Variants in DNAH14 observed in about 807,000 individuals in gnomAD.
DNAH14 encodes the protein axonemal beta dynein heavy chain 14.
Under a neutral mutation model 520.9 loss-of-function variants are expected in DNAH14, and 478 were observed. That is an observed-to-expected ratio of 0.92 (90% CI 0.85 to 0.99). DNAH14 has a LOEUF of 0.99. Ranked by LOEUF, DNAH14 falls within the 50% of genes least tolerant of loss-of-function variation. The pLI is 0.00. For synonymous variants in DNAH14, 1,581 were observed against 1,757.2 expected (o/e 0.90, Z 2.51); for missense variants, 4,831 against 5,234.5 (o/e 0.92, Z 2.38).
intron 49 of DNAH14, among the ~76,000 whole-genome samples, chr1:225,270,017 G>A (rs565090690): frequency 1.2e-4 from 19 of 152,238 alleles, no homozygotes; most frequent in African/African-American, 3.9e-4. Context: ...AAAGACACAT[G>A]CACACGTATG....
intron 18 of DNAH14, among the ~76,000 whole-genome samples, chr1:225,079,811 C>T (rs1203232482): frequency 6.6e-6 from 1 of 151,020 alleles, no homozygotes. Context: ...GTAGCTGGGA[C>T]TACAGGCGCC....
At chr1:225,044,594 G>T (rs558630499) in intron 15 of DNAH14, among the ~76,000 whole-genome samples, 8 of 152,220 alleles carry the variant, frequency 5.3e-5, no homozygotes, top group African/African-American at 1.9e-4. Context: ...TTTTCACTAT[G>T]CTTTGTAACT....
Position 225,252,339 on chromosome 1 carries a change from T to C in DNAH14, c.6787T>C (p.Tyr2263His), listed in dbSNP as rs926675453. 2 of 1,549,944 alleles carry C rather than the reference T, an allele frequency of 1.3e-6. No individual in the cohort carries two copies. Among genetic ancestry groups the C allele is most frequent in the African/African-American group, 1.4e-5 (1 of 72,996 alleles). The part of the protein sequence containing the change: ...LPTGECSIFG[Y>H]FVDIEQCEFI... ...AACTGGTGAATGTTCCATCTTTGGA[T>C]ATTTTGTGGATATAGAGCAATGTGA... The change falls in exon 44 of 86, where the codon TAT becomes CAT. Residue 2263 changes from tyrosine to histidine, a missense_variant. Transcript: ENST00000682510.
chr1:225,109,493 T>C (rs564440453), intron 23 of DNAH14, among the ~76,000 whole-genome samples: 2 of 152,306 alleles, frequency 1.3e-5, no homozygotes, highest in East Asian at 3.9e-4. Context: ...GATTACTTTC[T>C]TGATTTTTTT....
At chr1:225,018,781 A>C (rs1313890339) in intron 10 of DNAH14, among the ~76,000 whole-genome samples, 2 of 152,312 alleles carry the variant, frequency 1.3e-5, no homozygotes, top group African/African-American at 4.8e-5. Flanking sequence ...TCCAACCAAA[A>C]ATGTCATATC....
At chr1:225,256,421 A>G (rs915386993) in intron 44 of DNAH14, among the ~76,000 whole-genome samples, 1 of 152,160 alleles carries the variant, frequency 6.6e-6, no homozygotes, top group Non-Finnish European at 1.5e-5. Context: ...CAACTGCGGC[A>G]GGATTGGGTA....
intron 12 of DNAH14, among the ~76,000 whole-genome samples, chr1:225,040,078 C>T (rs1349454214): frequency 1.3e-5 from 2 of 151,072 alleles, no homozygotes; most frequent in Admixed American, 1.3e-4. Context: ...GCTGGGACTA[C>T]AGGTGCCCAC....
At chr1:225,178,206 A>G (rs192796479) in intron 36 of DNAH14, among the ~76,000 whole-genome samples, 2 of 152,266 alleles carry the variant, frequency 1.3e-5, no homozygotes, top group Admixed American at 1.3e-4. Flanking sequence ...TGGAATGGCT[A>G]TGTATTAGTC....
chr1:225,145,747 A>C (rs994073198), intron 30 of DNAH14, among the ~76,000 whole-genome samples: 1 of 152,228 alleles, frequency 6.6e-6, no homozygotes, highest in Non-Finnish European at 1.5e-5. Flanking sequence ...ACATTTATTT[A>C]CTGAAAAGGT....
chr1:224,997,157 G>T (rs569510449), intron 8 of DNAH14, among the ~76,000 whole-genome samples: 10 of 152,114 alleles, frequency 6.6e-5, no homozygotes, highest in South Asian at 2.1e-4. Flanking sequence ...TGGTTGCCAT[G>T]GGCTCTGTCT....
chr1:225,190,813 T>G (rs142389479), intron 37 of DNAH14, among the ~76,000 whole-genome samples: 9 of 152,106 alleles, frequency 5.9e-5, no homozygotes, highest in African/African-American at 2.2e-4. Flanking sequence ...TCTTAGACTT[T>G]TACTCTTCAG....
At chr1:225,364,553 T>G (rs2095530191) in intron 75 of DNAH14, among the ~76,000 whole-genome samples, 1 of 152,084 alleles carries the variant, frequency 6.6e-6, no homozygotes, top group Non-Finnish European at 1.5e-5. Flanking sequence ...TTCCAGATTT[T>G]TTGCAATGAG....
chr1:225,216,481 G>A (rs34115920), intron 41 of DNAH14, among the ~76,000 whole-genome samples: 19,455 of 152,172 alleles, frequency 0.13, 1,401 homozygotes, highest in East Asian at 0.31. Flanking sequence ...ATAATATCTT[G>A]CAGAGTGTTT....
chr1:225,226,144 C>T (rs546651628), intron 41 of DNAH14, among the ~76,000 whole-genome samples: 24 of 152,320 alleles, frequency 1.6e-4, no homozygotes, highest in Middle Eastern at 6.8e-3. Context: ...GGGCTTATCT[C>T]TTAGATCTGC....
At chr1:225,358,395 CT>C in intron 73 of DNAH14, 100 bp from the exon 74 acceptor site, 1 of 1,112,546 alleles carries the variant, frequency 9.0e-7, no homozygotes. Context: ...GGCTGAAAAG[CT>C]AAAAAATGAA....
chr1:225,259,313 A>G lies in DNAH14; in HGVS notation c.7157+60A>G, dbSNP rs114604689. 1,270 of 1,207,828 alleles carry G rather than the reference A, an allele frequency of 1.1e-3. 9 individuals are homozygous for G. In the African/African-American group the frequency reaches 0.017, roughly 16 times the overall value. The allele number at this position is 1,207,828 out of a possible 1,614,324, so 74.8% of individuals were successfully genotyped here. On this transcript the variant is annotated intron_variant, in intron 46 of 85. Transcript: ENST00000682510. ...GATTTTAAAAAGTGTGCTTTAATAT[A>G]TAAATATGCCTGTTTTTAAAAAAAG...
chr1:225,023,274 A>G (rs1221741829), intron 10 of DNAH14, among the ~76,000 whole-genome samples: 3 of 152,114 alleles, frequency 2.0e-5, no homozygotes, highest in Non-Finnish European at 4.4e-5. Context: ...GAAACAAATA[A>G]AAACAAAACG....
chr1:225,348,829 T>C (rs183763056), intron 71 of DNAH14, among the ~76,000 whole-genome samples: 6 of 152,342 alleles, frequency 3.9e-5, no homozygotes, highest in Non-Finnish European at 5.9e-5. Context: ...GATAGTAACC[T>C]GTACTATTGT....
intron 61 of DNAH14, among the ~76,000 whole-genome samples, chr1:225,320,354 AT>A (rs1206105785): frequency 6.6e-6 from 1 of 152,166 alleles, no homozygotes; most frequent in Non-Finnish European, 1.5e-5. Context: ...ATGATAAGAG[AT>A]TTCCTCTGAT....
Sources: gnomAD v4.1 joint callset for allele counts (sites outside exome capture counted in the v4.1 genomes callset) on GRCh38, gnomAD v4.1.1 for gene constraint, MANE v1.5 for transcripts, NCBI Gene and HGNC (gene_info 2026-07-23, HGNC 2026-07-21) for gene names.